The following MMP2 variants were observed in gnomAD, a reference collection of about 807,000 sequenced individuals.
MMP2 encodes matrix metallopeptidase 2.
MMP2 carries 39 observed loss-of-function variants against 74.8 expected under a neutral mutation model. The ratio of observed to expected loss-of-function variants is 0.52; its 90% CI spans 0.40 to 0.68. MMP2 has a LOEUF of 0.68. MMP2 is among the 30% of genes least tolerant of loss of function. MMP2 has a pLI of 0.00. For synonymous variants in MMP2, 367 were observed against 339.8 expected (o/e 1.08, Z -0.88); for missense variants, 803 against 878.3 (o/e 0.91, Z 1.08).
At chr16:55,485,852 C>T (rs1018854516) in intron 5 of MMP2, 75 bp downstream of exon 5, 6 of 1,482,634 alleles carry the variant, frequency 4.0e-6, no homozygotes, top group Non-Finnish European at 5.6e-6. Context: ...TGTGCTCTTC[C>T]CTCCACACTC....
chr16:55,489,633 G>T lies in MMP2; in HGVS notation c.1007-18G>T. ...CAGACTCTTTGCTGCGCCTTGACCCGTATCCCTAACCCCACAGCCATGTCC... is the reference window on the plus strand; with the variant it reads ...CAGACTCTTTGCTGCGCCTTGACCCTTATCCCTAACCCCACAGCCATGTCC... On this transcript the variant is annotated intron_variant, in intron 6 of 12. Transcript: ENST00000219070. 6.2e-7 allele frequency: 1 copy of T among 1,613,538 alleles called. No homozygotes were observed. Among genetic ancestry groups the T allele is most frequent in the Non-Finnish European group, 8.5e-7 (1 of 1,179,960 alleles).
Sources: allele counts gnomAD v4.1 joint callset, GRCh38; gene constraint gnomAD v4.1.1; transcripts MANE v1.5; gene names NCBI Gene and HGNC (gene_info 2026-07-23, HGNC 2026-07-21).